RIMS2: variants seen among roughly 807,000 people sequenced by gnomAD.
RIMS2 encodes the protein regulating synaptic membrane exocytosis 2.
In RIMS2, 59 loss-of-function variants were observed where a neutral mutation model predicts 174.4. The ratio of observed to expected loss-of-function variants is 0.34; its 90% CI spans 0.27 to 0.42. The LOEUF (loss-of-function observed/expected upper bound fraction) is 0.42, where lower values mean the gene tolerates loss of function less well. Ranked by LOEUF, RIMS2 falls within the 10% of genes least tolerant of loss-of-function variation. RIMS2 has a pLI of 1.00. For synonymous variants in RIMS2, 606 were observed against 572.5 expected, an observed-to-expected ratio of 1.06 and a Z score of -0.84; for missense variants, 1,620 against 1,666.3, an observed-to-expected ratio of 0.97 and a Z score of 0.48.
chr8:103,966,952 A>C (rs1395499506), intron 15 of RIMS2, among the ~76,000 whole-genome samples: 1 of 151,972 alleles, frequency 6.6e-6, no homozygotes, highest in Non-Finnish European at 1.5e-5. Flanking sequence ...TTGTGGACTC[A>C]GAGCAGCATT....
chr8:104,223,365 G>C, intron 19 of RIMS2: 1 of 1,187,468 alleles, frequency 8.4e-7, no homozygotes, highest in Non-Finnish European at 1.0e-6. Flanking sequence ...AGGATTCTCA[G>C]CTCCCTCCCG....
chr8:103,703,354 C>T (rs2097189592), intron 2 of RIMS2, among the ~76,000 whole-genome samples: 1 of 152,134 alleles, frequency 6.6e-6, no homozygotes, highest in Non-Finnish European at 1.5e-5. Context: ...TCTCCTGCCT[C>T]AGCCTTCTGA....
chr8:103,563,748 C>T (rs1218818255), intron 1 of RIMS2, among the ~76,000 whole-genome samples: 1 of 152,050 alleles, frequency 6.6e-6, no homozygotes, highest in African/African-American at 2.4e-5. Flanking sequence ...CAAGACTAGG[C>T]AATATACAAA....
intron 3 of RIMS2, among the ~76,000 whole-genome samples, chr8:103,779,684 A>G (rs2098363075): frequency 7.0e-6 from 1 of 143,840 alleles, no homozygotes; most frequent in African/African-American, 2.6e-5. Flanking sequence ...GTTCTCACTC[A>G]TAGGTGGGAA....
chr8:103,550,445 C>G (rs577644706), intron 1 of RIMS2, among the ~76,000 whole-genome samples: 1 of 152,296 alleles, frequency 6.6e-6, no homozygotes, highest in East Asian at 1.9e-4. Context: ...CTCTGGGACA[C>G]ATTTAAAGCA....
intron 19 of RIMS2, among the ~76,000 whole-genome samples, chr8:104,077,399 A>T (rs867714941): frequency 6.6e-6 from 1 of 151,956 alleles, no homozygotes; most frequent in East Asian, 2.0e-4. Context: ...GGTAATCTTA[A>T]AAACAGGTGG....
intron 19 of RIMS2, among the ~76,000 whole-genome samples, chr8:104,163,961 G>A (rs2098780534): frequency 6.6e-6 from 1 of 151,976 alleles, no homozygotes; most frequent in Non-Finnish European, 1.5e-5. Flanking sequence ...GACCCTCCAG[G>A]AAAGGCACTG....
At chr8:103,610,146 G>T (rs1422963590) in intron 1 of RIMS2, among the ~76,000 whole-genome samples, 1 of 152,044 alleles carries the variant, frequency 6.6e-6, no homozygotes, top group Non-Finnish European at 1.5e-5. Context: ...CATTGTTGGT[G>T]TATAGGAATG....
intron 14 of RIMS2, among the ~76,000 whole-genome samples, chr8:103,950,937 A>T (rs375690919): frequency 6.6e-5 from 10 of 152,344 alleles, no homozygotes; most frequent in African/African-American, 2.2e-4. Context: ...TAAGATCAAG[A>T]TACAATATCA....
chr8:103,920,665 A>G (rs757462869), intron 9 of RIMS2: 41 of 457,016 alleles, frequency 9.0e-5, no homozygotes, highest in Middle Eastern at 3.2e-4. Flanking sequence ...TGTGTTCCCA[A>G]TTAAGTTTTT....
rs770750847 is a variant in RIMS2 at position 104,248,710 on chromosome 8, C to T, written c.3486C>T (p.Phe1162=). 55 of 1,595,536 alleles carry T rather than the reference C, an allele frequency of 3.4e-5. No homozygotes were observed. The highest frequency in any genetic ancestry group is 8.3e-5 in the Admixed American group (5 of 59,944). Residue 1162 remains phenylalanine, a synonymous_variant, in exon 21 of 24, where the codon TTC becomes TTT. Transcript: ENST00000504942. ...GTTATTTTGCTTTCAGTCTGATTTT[C>T]CCTGGTGTTCGCTTGGCCTCTGATA... is the stretch of plus-strand genomic sequence containing the variant.
downstream of RIMS2, chr8:104,254,898 G>C (rs1048048706): frequency 2.0e-5 from 3 of 152,190 alleles, no homozygotes; most frequent in African/African-American, 4.8e-5. Flanking sequence ...ATGGGGAGAC[G>C]TGGTAACCTG....
chr8:103,730,888 G>A (rs964440483), intron 2 of RIMS2, among the ~76,000 whole-genome samples: 8 of 152,106 alleles, frequency 5.3e-5, no homozygotes, highest in South Asian at 2.1e-4. Flanking sequence ...ATGCATATCC[G>A]AGACTGGATA....
At chr8:103,837,435 C>T (rs1215381573) in intron 3 of RIMS2, among the ~76,000 whole-genome samples, 1 of 152,178 alleles carries the variant, frequency 6.6e-6, no homozygotes, top group Non-Finnish European at 1.5e-5. Flanking sequence ...AGGTTAGTTA[C>T]ATATGTATAC....
chr8:104,124,790 T>C (rs1599440827), intron 19 of RIMS2, among the ~76,000 whole-genome samples: 1 of 152,294 alleles, frequency 6.6e-6, no homozygotes, highest in Middle Eastern at 3.4e-3. Context: ...CCAAAAGCTT[T>C]GCCAAAAGAG....
rs116830028 is a variant in RIMS2, at chr8:104,173,513, C to A, written c.3335-71403C>A. Among the ~76,000 whole-genome samples, 454 of 148,696 alleles carry A rather than the reference C, an allele frequency of 3.1e-3. 2 individuals carry two copies. The highest frequency in any genetic ancestry group is 0.01 in the African/African-American group (417 of 40,460). On this transcript the variant is annotated intron_variant, in intron 19 of 23. Transcript: ENST00000504942. ...TTAATTTTTTTACTATGGTTTTGAT[C>A]ATGAGAGTTTCCATAATGTTATGAA...
At chr8:103,834,640 C>T (rs1397591991) in intron 3 of RIMS2, among the ~76,000 whole-genome samples, 1 of 151,628 alleles carries the variant, frequency 6.6e-6, no homozygotes, top group Non-Finnish European at 1.5e-5. Context: ...CGAACTCCTT[C>T]CTCAGGTTTT....
At chr8:103,538,496 C>T (rs59802767) in intron 1 of RIMS2, among the ~76,000 whole-genome samples, 1 of 143,836 alleles carries the variant, frequency 7.0e-6, no homozygotes, top group Non-Finnish European at 1.5e-5. Context: ...ACTCTTCCCC[C>T]CCAAGTCCCC....
chr8:103,635,149 T>C (rs2096044024), intron 1 of RIMS2, among the ~76,000 whole-genome samples: 1 of 152,210 alleles, frequency 6.6e-6, no homozygotes, highest in South Asian at 2.1e-4. Flanking sequence ...GTGTGGCTTG[T>C]TTTACAGTAA....
Sources: gnomAD v4.1 joint callset for allele counts (sites outside exome capture counted in the v4.1 genomes callset) on GRCh38, gnomAD v4.1.1 for gene constraint, MANE v1.5 for transcripts, NCBI Gene and HGNC (gene_info 2026-07-23, HGNC 2026-07-21) for gene names.